Variants in ACACB observed in about 807,000 individuals in gnomAD.
ACACB encodes acetyl-CoA carboxylase 2.
Under a neutral mutation model 278.8 loss-of-function variants are expected in ACACB, and 209 were observed. That is an observed-to-expected ratio of 0.75 (90% CI 0.67 to 0.84). The LOEUF (loss-of-function observed/expected upper bound fraction) is 0.84, where lower values mean the gene tolerates loss of function less well. Among genes scored for constraint, ACACB ranks in the 40% least tolerant of loss-of-function variants. The probability of loss-of-function intolerance (pLI) is 0.00; values close to 1 mark genes in which losing one functional copy is unlikely to be tolerated. For synonymous variants in ACACB, 1,174 were observed against 1,285.6 expected, an observed-to-expected ratio of 0.91 and a Z score of 1.86; for missense variants, 2,850 against 3,269.0, an observed-to-expected ratio of 0.87 and a Z score of 3.13.
At chr12:109,192,612 G>C (rs973070189) in intron 15 of ACACB, among the ~76,000 whole-genome samples, 1 of 152,054 alleles carries the variant, frequency 6.6e-6, no homozygotes, top group Non-Finnish European at 1.5e-5. Context: ...GAGAACTGCT[G>C]CAAGAGGCAA....
chr12:109,187,104 A>G (rs538104530), intron 12 of ACACB, among the ~76,000 whole-genome samples: 1 of 148,856 alleles, frequency 6.7e-6, no homozygotes, highest in Non-Finnish European at 1.5e-5. Context: ...GAAAGGAAGG[A>G]GGGAAGAGGG....
intron 5 of ACACB, 75 bp from the exon 6 acceptor site, chr12:109,172,200 G>A (rs1017295099): frequency 2.1e-6 from 3 of 1,420,338 alleles, no homozygotes; most frequent in Non-Finnish European, 3.0e-6. Context: ...GGGGTTATAG[G>A]CGTGAGTTAC....
chr12:109,149,668 C>T lies in ACACB; in HGVS notation c.653+9610C>T, dbSNP rs1459885140. 2.0e-5 allele frequency among the ~76,000 whole-genome samples: 3 copies of T among 152,146 alleles called. No homozygotes were observed. In the East Asian group the frequency reaches 5.8e-4, roughly 29 times the overall value. On this transcript the variant is annotated intron_variant, in intron 2 of 52. Transcript: ENST00000338432. The stretch of plus-strand genomic sequence containing the variant: ...TGGGTTCTAGGCAAGAGAGAGGACA[C>T]ACTAAGGGATGAAATGGTAGGTGGG...
At chr12:109,164,834 C>T (rs1346306380) in intron 2 of ACACB, among the ~76,000 whole-genome samples, 7 of 131,654 alleles carry the variant, frequency 5.3e-5, no homozygotes, top group East Asian at 1.9e-4. Flanking sequence ...TCTCCCTCCT[C>T]GGCTTTCCAA....
chr12:109,243,032 A>G (rs1436129696), intron 37 of ACACB, among the ~76,000 whole-genome samples: 1 of 152,200 alleles, frequency 6.6e-6, no homozygotes, highest in African/African-American at 2.4e-5. Context: ...ACTTCATAGT[A>G]TTTTTCTCCA....
chr12:109,246,891 G>A (rs1195707802), intron 39 of ACACB, among the ~76,000 whole-genome samples: 2 of 152,134 alleles, frequency 1.3e-5, no homozygotes, highest in African/African-American at 4.8e-5. Flanking sequence ...AACCTAGGCA[G>A]CATAGCCAGA....
rs190663433 is a variant in ACACB at position 109,126,979 on chromosome 12, A to G, written c.-10+10275A>G. On this transcript the variant is annotated intron_variant, in intron 1 of 52. Transcript: ENST00000338432. ...AGGATGGAATGGTTTGGGATTTGGC[A>G]CAAAACCAGAGATGTAGTAATCTTT... 1.4e-4 allele frequency among the ~76,000 whole-genome samples: 22 copies of G among 152,292 alleles called. No individual in the cohort carries two copies. In the East Asian group the frequency reaches 3.9e-3, roughly 27 times the overall value.
chr12:109,145,824 C>T (rs1429952321), intron 2 of ACACB, among the ~76,000 whole-genome samples: 3 of 151,372 alleles, frequency 2.0e-5, no homozygotes, highest in Non-Finnish European at 4.4e-5. Flanking sequence ...CACGGCAAAA[C>T]CCCATCTCTA....
chr12:109,133,855 ATATATATATTTT>A (rs1189304140), intron 1 of ACACB, among the ~76,000 whole-genome samples: 11 of 49,756 alleles, frequency 2.2e-4, no homozygotes, highest in African/African-American at 7.5e-4. Flanking sequence ...ATATATATAT[ATATATATATTTT>A]TTTTTTTTTT....
intron 34 of ACACB, 98 bp from the exon 35 acceptor site, chr12:109,239,732 T>G: frequency 1.5e-6 from 2 of 1,362,906 alleles, no homozygotes; most frequent in Non-Finnish European, 1.9e-6. Context: ...GGGGAATGTT[T>G]TCCTCCTGTC....
At chr12:109,243,827 A>G (rs947220383) in intron 37 of ACACB, among the ~76,000 whole-genome samples, 2 of 151,456 alleles carry the variant, frequency 1.3e-5, no homozygotes, top group South Asian at 2.1e-4. Context: ...AACCACTGAC[A>G]TTGGTGATGT....
At chr12:109,157,472 A>G (rs1226130430) in intron 2 of ACACB, among the ~76,000 whole-genome samples, 2 of 152,048 alleles carry the variant, frequency 1.3e-5, no homozygotes, top group African/African-American at 2.4e-5. Context: ...GGGTTTCACC[A>G]TGTTTCCCAG....
intron 18 of ACACB, among the ~76,000 whole-genome samples, chr12:109,201,233 A>G (rs2045321388): frequency 6.6e-6 from 1 of 152,250 alleles, no homozygotes; most frequent in Non-Finnish European, 1.5e-5. Context: ...AGGAACGTGT[A>G]TATGAACCAC....
intron 20 of ACACB, 58 bp downstream of exon 20, chr12:109,206,914 C>G: frequency 1.3e-6 from 2 of 1,582,824 alleles, no homozygotes; most frequent in Non-Finnish European, 1.7e-6. Context: ...GAAGATCTAC[C>G]CCGTGACAGC....
Position 109,246,238 on chromosome 12 carries a change from T to A in ACACB, c.5361T>A (p.Asp1787Glu), listed in dbSNP as rs113691648. 1 of 1,613,852 alleles carries A rather than the reference T, an allele frequency of 6.2e-7. No individual in the cohort carries two copies. Among genetic ancestry groups the A allele is most frequent in the African/African-American group, 1.3e-5 (1 of 74,912 alleles). ...CCCAGGAGTACCCGGAAGGACGGGA[T>A]GTGATCGTCATCGGCAATGACATCA... The part of the protein sequence containing the change: ...FKTQEYPEGR[D>E]VIVIGNDITF... Residue 1787 changes from aspartate to glutamate, a missense_variant, in exon 39 of 53, where the codon GAT (aspartate) becomes GAA (glutamate). Coordinates refer to ENST00000338432, the MANE Select transcript of ACACB (RefSeq NM_001093.4).
chr12:109,237,454 G>A (rs1279960042), intron 34 of ACACB, 74 bp downstream of exon 34: 2 of 1,455,324 alleles, frequency 1.4e-6, no homozygotes, highest in Non-Finnish European at 1.9e-6. Context: ...CTCTGTGCTG[G>A]GTCCTGGGCT....
At chr12:109,176,365 AT>A in intron 9 of ACACB, 102 bp downstream of exon 9, 1 of 1,063,134 alleles carries the variant, frequency 9.4e-7, no homozygotes, top group South Asian at 1.3e-5. Context: ...TCAAGAAGAC[AT>A]TTGTAGGAGC....
rs140503931 is a variant in ACACB, at chr12:109,217,078, T to G, written c.3564+158T>G. Among the ~76,000 whole-genome samples, 7,477 of 152,212 alleles carry G rather than the reference T, an allele frequency of 0.049. 237 individuals carry two copies. Among genetic ancestry groups the G allele is most frequent in the Middle Eastern group, 0.075 (22 of 294 alleles). ...GGGCAGATCACTTGAGGTTAGGAGT[T>G]TGAGACCAGCCTGGCTAACATAGTG... On this transcript the variant is annotated intron_variant, in intron 24 of 52. Transcript: ENST00000338432.
chr12:109,246,114 T>A (rs1047113984), intron 38 of ACACB, 65 bp from the exon 39 acceptor site: 2 of 1,519,158 alleles, frequency 1.3e-6, no homozygotes, highest in African/African-American at 2.8e-5. Flanking sequence ...ATAACTAAAA[T>A]AAAATAAAAA....
Sources: allele counts gnomAD v4.1 joint callset (sites outside exome capture counted in the v4.1 genomes callset), GRCh38; gene constraint gnomAD v4.1.1; transcripts MANE v1.5; gene names NCBI Gene and HGNC (gene_info 2026-07-23, HGNC 2026-07-21).